The following DNAH5 variants were observed in gnomAD, a reference collection of about 807,000 sequenced individuals.
DNAH5 encodes the protein axonemal beta dynein heavy chain 5.
Under a neutral mutation model 518.2 loss-of-function variants are expected in DNAH5, and 372 were observed. That is an observed-to-expected ratio of 0.72 (90% confidence interval 0.66 to 0.78). The LOEUF is 0.78. Among genes scored for constraint, DNAH5 ranks in the 30% least tolerant of loss-of-function variants. DNAH5 has a pLI of 0.00. For synonymous variants in DNAH5, 2,039 were observed against 2,025.9 expected, an observed-to-expected ratio of 1.01 and a Z score of -0.17; for missense variants, 5,523 against 5,687.0, an observed-to-expected ratio of 0.97 and a Z score of 0.93.
chr5:13,695,653 T>G (rs1342468622), intron 78 of DNAH5, among the ~76,000 whole-genome samples: 1 of 152,166 alleles, frequency 6.6e-6, no homozygotes, highest in Admixed American at 6.5e-5. Flanking sequence ...AAGCCTTAAT[T>G]TCTCCATCTG....
chr5:13,825,098 T>C (rs1762723470), intron 38 of DNAH5, among the ~76,000 whole-genome samples: 1 of 152,148 alleles, frequency 6.6e-6, no homozygotes, highest in African/African-American at 2.4e-5. Flanking sequence ...TCCCAGCATT[T>C]TGGAAGACCA....
At chr5:13,875,645 T>C (rs552935881) in intron 22 of DNAH5, among the ~76,000 whole-genome samples, 3 of 152,244 alleles carry the variant, frequency 2.0e-5, no homozygotes, top group African/African-American at 7.2e-5. Context: ...CACTTGAAAA[T>C]ATTTCTGAAT....
At chr5:14,002,456 A>C (rs531523374) in intron 1 of DNAH5, among the ~76,000 whole-genome samples, 1 of 152,200 alleles carries the variant, frequency 6.6e-6, no homozygotes, top group Non-Finnish European at 1.5e-5. Flanking sequence ...CTGAGTTTAC[A>C]TAATTCTAAA....
chr5:13,775,403 A>G (rs1403448545), intron 55 of DNAH5, among the ~76,000 whole-genome samples: 1 of 152,130 alleles, frequency 6.6e-6, no homozygotes, highest in African/African-American at 2.4e-5. Context: ...CAATAAATAG[A>G]TGATGGATAG....
intron 55 of DNAH5, among the ~76,000 whole-genome samples, chr5:13,774,423 C>A (rs1480819093): frequency 6.6e-6 from 1 of 152,000 alleles, no homozygotes; most frequent in African/African-American, 2.4e-5. Flanking sequence ...AAGAATGGAC[C>A]AGGCAGGCAG....
At chr5:13,877,222 G>C (rs991112359) in intron 21 of DNAH5, among the ~76,000 whole-genome samples, 3 of 152,090 alleles carry the variant, frequency 2.0e-5, no homozygotes, top group Non-Finnish European at 4.4e-5. Flanking sequence ...GAGCTCCTTA[G>C]GGAGCTCCAT....
At chr5:13,976,724 T>TACACACACACACACAC (rs375620037) in intron 1 of DNAH5, among the ~76,000 whole-genome samples, 1 of 109,784 alleles carries the variant, frequency 9.1e-6, no homozygotes, top group East Asian at 3.3e-4. Flanking sequence ...CACACACACA[T>TACACACACACACACAC]ACACACACAC....
chr5:13,751,687 C>T (rs550979893), intron 64 of DNAH5, among the ~76,000 whole-genome samples: 7 of 152,200 alleles, frequency 4.6e-5, no homozygotes, highest in African/African-American at 1.2e-4. Flanking sequence ...TCCCAAAAAC[C>T]GGCTTGAGAG....
At chr5:13,798,869 C>T (rs1037501086) in intron 47 of DNAH5, among the ~76,000 whole-genome samples, 2 of 151,606 alleles carry the variant, frequency 1.3e-5, no homozygotes, top group African/African-American at 2.4e-5. Flanking sequence ...CGGGTTCAAG[C>T]GATTCTCCTG....
At chr5:13,943,339 A>G (rs1213419407) in intron 1 of DNAH5, among the ~76,000 whole-genome samples, 1 of 152,228 alleles carries the variant, frequency 6.6e-6, no homozygotes, top group Admixed American at 6.5e-5. Context: ...CATGTGGGTA[A>G]ATGTCATTTC....
At chr5:13,863,102 A>C (rs529485489) in intron 28 of DNAH5, among the ~76,000 whole-genome samples, 48 of 152,302 alleles carry the variant, frequency 3.2e-4, no homozygotes, top group African/African-American at 1.2e-3. Flanking sequence ...ATCTACCTCT[A>C]AAGTCAAGTG....
intron 14 of DNAH5, 111 bp downstream of exon 14, chr5:13,901,141 C>A (rs1027979806): frequency 1.1e-5 from 12 of 1,129,136 alleles, no homozygotes; most frequent in Non-Finnish European, 1.6e-5. Context: ...AACCCATCTG[C>A]CTTACAAAAC....
At chr5:13,993,054 A>G (rs1371574014) in intron 1 of DNAH5, among the ~76,000 whole-genome samples, 1 of 152,260 alleles carries the variant, frequency 6.6e-6, no homozygotes, top group Admixed American at 6.5e-5. Context: ...ACATAAGCCA[A>G]TGAAAGGGCA....
At chr5:13,854,737 G>A (rs1278650503) in intron 30 of DNAH5, among the ~76,000 whole-genome samples, 2 of 152,088 alleles carry the variant, frequency 1.3e-5, no homozygotes. Context: ...TGATAAGACA[G>A]ACTTTAAACC....
In DNAH5 at chr5:13,894,709, G is replaced by A. The variant is rs778665922; in HGVS notation, c.2372C>T (p.Ala791Val). ...VDEALQPGLAALTWTSLNIEA... is the reference protein window; with the variant it reads ...VDEALQPGLAVLTWTSLNIEA... ...AATATTCAGTGATGTCCAGGTCAGT[G>A]CAGCCAAGCCAGGTTGGAGAGCTTC... is the stretch of plus-strand genomic sequence containing the variant. Residue 791 changes from alanine to valine, a missense_variant, in exon 16 of 79, where the codon GCA (alanine) becomes GTA (valine). By Grantham distance (64) the Ala-to-Val change is moderately conservative. Transcript: ENST00000265104. 1.2e-6 allele frequency: 2 copies of A among 1,614,132 alleles called. No homozygotes were observed. The highest frequency in any genetic ancestry group is 2.2e-5 in the South Asian group (2 of 91,080).
At chr5:13,892,249 A>C (rs1420065395) in intron 16 of DNAH5, among the ~76,000 whole-genome samples, 3 of 152,182 alleles carry the variant, frequency 2.0e-5, no homozygotes, top group Non-Finnish European at 4.4e-5. Context: ...TTTCTAACGG[A>C]CTGCTTCTTC....
chr5:13,859,360 G>C (rs886888774), intron 30 of DNAH5, 92 bp downstream of exon 30: 46 of 1,354,596 alleles, frequency 3.4e-5, no homozygotes, highest in East Asian at 2.8e-4. Flanking sequence ...GGGTTCAATA[G>C]AAGTGGAATA....
intron 35 of DNAH5, among the ~76,000 whole-genome samples, chr5:13,835,475 C>T (rs1764252075): frequency 6.6e-6 from 1 of 152,134 alleles, no homozygotes; most frequent in African/African-American, 2.4e-5. Flanking sequence ...TGGGTCCATC[C>T]AACAGGGCAA....
intron 65 of DNAH5, among the ~76,000 whole-genome samples, chr5:13,746,015 T>C (rs371886558): frequency 2.0e-4 from 31 of 152,304 alleles, no homozygotes; most frequent in African/African-American, 6.5e-4. Context: ...ACAATTAACA[T>C]AATTACTTCT....
Sources: gnomAD v4.1 joint callset for allele counts (sites outside exome capture counted in the v4.1 genomes callset) on GRCh38, gnomAD v4.1.1 for gene constraint, MANE v1.5 for transcripts, NCBI Gene and HGNC (gene_info 2026-07-23, HGNC 2026-07-21) for gene names.